The following NKX2-2 variants were observed in gnomAD, a reference collection of about 807,000 sequenced individuals.
NKX2-2 encodes NK2 homeobox 2, also known as homeobox protein Nkx-2.2.
NKX2-2 carries 8 observed loss-of-function variants against 24.6 expected under a neutral mutation model. That is an observed-to-expected ratio of 0.32 (90% CI 0.19 to 0.59). The LOEUF is 0.59. Among genes scored for constraint, NKX2-2 ranks in the 20% least tolerant of loss-of-function variants. The pLI is 0.86. For missense variants in NKX2-2, 381 were observed against 373.9 expected (o/e 1.02, Z -0.16); for synonymous variants, 217 against 173.3 (o/e 1.25, Z -1.98).
upstream of NKX2-2, among the ~76,000 whole-genome samples, chr20:21,519,012 G>A (rs1980707777): frequency 6.6e-6 from 1 of 152,062 alleles, no homozygotes; most frequent in Non-Finnish European, 1.5e-5. Context: ...GGCAGAGAAA[G>A]TCTTCGGGGG....
the NKX2-2 span, among the ~76,000 whole-genome samples, chr20:21,522,044 C>A: frequency 6.6e-6 from 1 of 152,248 alleles, no homozygotes; most frequent in Non-Finnish European, 1.5e-5. Context: ...CCCGCTTTCC[C>A]TGACCGCACC....
At position 21,512,052 on chromosome 20, in the gene NKX2-2, G is replaced by A; in HGVS notation, c.693C>T (p.Gly231=). 3 of 1,613,802 alleles carry A rather than the reference G, an allele frequency of 1.9e-6. No homozygotes were observed. The South Asian group carries it at 3.3e-5, about 18-fold the overall frequency. ...GCGCGCTGTAGGCAGAAAAGGGAATGCCCGCCTGGAAGGTGGCGGCTGCCA... is the reference window on the plus strand; with the variant it reads ...GCGCGCTGTAGGCAGAAAAGGGAATACCCGCCTGGAAGGTGGCGGCTGCCA... ...QDLAAATFQA[G]IPFSAYSAQS... is the part of the protein sequence containing the mutation. Residue 231 remains glycine, a synonymous_variant, in exon 2 of 2, where the codon GGC becomes GGT. Coordinates refer to ENST00000377142, the MANE Select transcript of NKX2-2 (RefSeq NM_002509.4).
At position 21,511,742 on chromosome 20, in the gene NKX2-2, C is replaced by T. The variant is rs1361421749; in HGVS notation, c.*181G>A. ...GGCAGAGCTGGGTGGGTGGAATCTGCCACTCCAAGGAGACGCAGGCAACCT... is the reference window on the plus strand; with the variant it reads ...GGCAGAGCTGGGTGGGTGGAATCTGTCACTCCAAGGAGACGCAGGCAACCT... On this transcript the variant is annotated 3_prime_UTR_variant, in exon 2 of 2. Transcript: ENST00000377142. The T allele has an allele frequency of 1.2e-5, 6 of 492,056 alleles. No homozygotes were observed. In the East Asian group the frequency reaches 1.9e-4, roughly 16 times the overall value. 30.5% of individuals were successfully genotyped at this position (492,056 alleles called of 1,614,324 possible). A position where few individuals can be genotyped will look rare whatever the true frequency, so the allele number is the denominator to read the frequency against.
At chr20:21,521,595 C>G in the NKX2-2 span, among the ~76,000 whole-genome samples, 3 of 152,212 alleles carry the variant, frequency 2.0e-5, no homozygotes, top group African/African-American at 7.2e-5. Context: ...GAGGAGAAGC[C>G]CCTGTCTCCA....
Position 21,513,942 on chromosome 20 carries a change from C to CGCGCCGA in NKX2-2, c.-280_-274dup. 4.0e-6 allele frequency: 1 copy of CGCGCCGA among 247,130 alleles called. No individual in the cohort carries two copies. Among genetic ancestry groups the CGCGCCGA allele is most frequent in the Non-Finnish European group, 7.7e-6 (1 of 130,596 alleles). The allele number at this position is 247,130 out of a possible 1,614,324, so 15.3% of individuals were successfully genotyped here. A position where few individuals can be genotyped will look rare whatever the true frequency, so the allele number is the denominator to read the frequency against. On this transcript the variant is annotated 5_prime_UTR_variant, in exon 1 of 2. Transcript: ENST00000377142. This position sits in a 1 kb window ranked among gnomAD's most constrained non-coding sequence, Gnocchi z 4.6. ...TGGACGCAGGAAGCCGGGCGGCCTGCGCGCCGAGCGCCGCGGGCCCCGGCC... is the reference window on the plus strand; with the variant it reads ...TGGACGCAGGAAGCCGGGCGGCCTGCGCGCCGAGCGCCGAGCGCCGCGGGCCCCGGCC...
At chr20:21,517,667 G>A (rs1369642438), upstream of NKX2-2, among the ~76,000 whole-genome samples, 2 of 152,218 alleles carry the variant, frequency 1.3e-5, no homozygotes, top group Non-Finnish European at 2.9e-5. Context: ...GGTGCCCAGA[G>A]CACAGTCCAG....
chr20:21,520,988 TC>T, the NKX2-2 span, among the ~76,000 whole-genome samples: 1 of 151,818 alleles, frequency 6.6e-6, no homozygotes, highest in Non-Finnish European at 1.5e-5. Flanking sequence ...AACAAGCGGC[TC>T]TCCTAACGGG....
upstream of NKX2-2, among the ~76,000 whole-genome samples, chr20:21,516,403 T>C (rs1472194661): frequency 3.3e-5 from 5 of 151,624 alleles, 1 homozygote; most frequent in African/African-American, 9.7e-5. Context: ...TTTTTTTTTT[T>C]TTGCTCGCTT....
the NKX2-2 span, among the ~76,000 whole-genome samples, chr20:21,522,520 C>T: frequency 6.6e-6 from 1 of 152,104 alleles, no homozygotes; most frequent in African/African-American, 2.4e-5. Flanking sequence ...CCCGCGCCAT[C>T]CCCATCCCGC....
In NKX2-2 at chr20:21,511,068, T is replaced by A. The variant is rs1397287393; in HGVS notation, c.*855A>T. ...TTTATTAAAATTCTTATTTAAAAAA[T>A]CGAAAGCTTTCTGCGCCCGGCGCTG... On this transcript the variant is annotated 3_prime_UTR_variant, in exon 2 of 2. Coordinates refer to ENST00000377142, the MANE Select transcript of NKX2-2 (RefSeq NM_002509.4). 1 of 152,518 alleles carries A rather than the reference T, an allele frequency of 6.6e-6. No homozygotes were observed. Among genetic ancestry groups the A allele is most frequent in the Non-Finnish European group, 1.5e-5 (1 of 68,032 alleles). The allele number at this position is 152,518 out of a possible 1,614,324, so 9.4% of individuals were successfully genotyped here.
In NKX2-2 at chr20:21,512,273, G is replaced by T; in HGVS notation, c.472C>A (p.Arg158Ser). Residue 158 changes from arginine to serine, a missense_variant, in exon 2 of 2, where the codon CGC (arginine) becomes AGC (serine). By Grantham distance (110) the Arg-to-Ser change is moderately radical. Transcript: ENST00000377142. ...CGGATGAGGCTGGCCAGGTGTTCGC[G>T]CTCGGGCGCCGACAGGTACCGCTGC... ...RQQRYLSAPE[R>S]EHLASLIRLT... 1.2e-6 allele frequency: 2 copies of T among 1,613,728 alleles called. No individual in the cohort carries two copies. The highest frequency in any genetic ancestry group is 8.5e-7 in the Non-Finnish European group (1 of 1,179,938).
chr20:21,511,624 C>G lies in NKX2-2; in HGVS notation c.*299G>C, dbSNP rs984335714. 13 of 286,260 alleles carry G rather than the reference C, an allele frequency of 4.5e-5. No individual in the cohort carries two copies. Among genetic ancestry groups the G allele is most frequent in the Non-Finnish European group, 7.0e-5 (11 of 156,534 alleles). 17.7% of individuals were successfully genotyped at this position (286,260 alleles called of 1,614,324 possible). On this transcript the variant is annotated 3_prime_UTR_variant, in exon 2 of 2. Transcript: ENST00000377142. The stretch of plus-strand genomic sequence containing the variant: ...ATTAACGCTGGGACGGTTTGGTCCC[C>G]CCGGGGAGAGGCAAAGAAGCGAAGC...
chr20:21,517,149 T>G (rs991032812), upstream of NKX2-2, among the ~76,000 whole-genome samples: 1 of 152,134 alleles, frequency 6.6e-6, no homozygotes, highest in African/African-American at 2.4e-5. Flanking sequence ...GGGTTTGCCT[T>G]TGCGCCTGCC....
Position 21,511,085 on chromosome 20 carries a change from C to A in NKX2-2, c.*838G>T, listed in dbSNP as rs1382742079. The A allele has an allele frequency of 6.6e-5, 10 of 152,600 alleles. No homozygotes were observed. The highest frequency in any genetic ancestry group is 1.5e-4 in the Non-Finnish European group (10 of 68,036). The allele number at this position is 152,600 out of a possible 1,614,324, so 9.5% of individuals were successfully genotyped here. On this transcript the variant is annotated 3_prime_UTR_variant, in exon 2 of 2. Transcript: ENST00000377142. ...TTAAAAAATCGAAAGCTTTCTGCGC[C>A]CGGCGCTGTTGGGGAACCGCGCCGA...
upstream of NKX2-2, among the ~76,000 whole-genome samples, chr20:21,515,268 G>C (rs1309723639): frequency 6.6e-6 from 1 of 151,916 alleles, no homozygotes; most frequent in African/African-American, 2.4e-5. Context: ...CGGGATTGCG[G>C]GGGTGGGGGT....
the NKX2-2 span, among the ~76,000 whole-genome samples, chr20:21,519,340 G>T: frequency 6.6e-6 from 1 of 152,170 alleles, no homozygotes; most frequent in Non-Finnish European, 1.5e-5. Flanking sequence ...TCTGGTTAGC[G>T]CCAAGGTGCA....
the NKX2-2 span, among the ~76,000 whole-genome samples, chr20:21,522,036 C>T: frequency 6.6e-6 from 1 of 152,230 alleles, no homozygotes; most frequent in Non-Finnish European, 1.5e-5. Context: ...GGGACAGTCC[C>T]GCTTTCCCTG....
At chr20:21,516,477 G>C (rs965181962), upstream of NKX2-2, among the ~76,000 whole-genome samples, 1 of 150,466 alleles carries the variant, frequency 6.6e-6, no homozygotes, top group African/African-American at 2.5e-5. Flanking sequence ...TCGTCGCTCT[G>C]CCCCGTCGGA....
chr20:21,513,225 A>G lies in NKX2-2; in HGVS notation c.259+186T>C, dbSNP rs1260599117. Among the ~76,000 whole-genome samples, 1 of 152,176 alleles carries G rather than the reference A, an allele frequency of 6.6e-6. No homozygotes were observed. The highest frequency in any genetic ancestry group is 1.9e-4 in the East Asian group (1 of 5,192). On this transcript the variant is annotated intron_variant, in intron 1 of 1. Transcript: ENST00000377142. This position sits in a 1 kb window ranked among gnomAD's most constrained non-coding sequence, Gnocchi z 4.6. ...TTTGGAGACCAAGTTCTTTCCCGGA[A>G]CTAAGGAGGCTTGAAGAGGAGGGCA...
Sources: gnomAD v4.1 joint callset for allele counts (sites outside exome capture counted in the v4.1 genomes callset) on GRCh38, gnomAD v4.1.1 for gene constraint, Gnocchi (gnomAD v3.1) non-coding constraint, MANE v1.5 for transcripts, NCBI Gene and HGNC (gene_info 2026-07-23, HGNC 2026-07-21) for gene names.